PCCB: variants seen among roughly 807,000 people sequenced by gnomAD.
PCCB encodes propionyl-CoA carboxylase subunit beta.
Under a neutral mutation model 60.7 loss-of-function variants are expected in PCCB, and 43 were observed. The observed-to-expected ratio is 0.71, with a 90% confidence interval of 0.55 to 0.91. The LOEUF (loss-of-function observed/expected upper bound fraction) is 0.91. Ranked by LOEUF, PCCB falls within the 40% of genes least tolerant of loss-of-function variation. The pLI, the probability that PCCB is intolerant of heterozygous loss-of-function variation, is 0.00. For synonymous variants in PCCB, 276 were observed against 255.9 expected (o/e 1.08, Z -0.75); for missense variants, 766 against 702.8 (o/e 1.09, Z -1.02).
At chr3:136,323,991 TG>T (rs1437983140) in intron 10 of PCCB, among the ~76,000 whole-genome samples, 6 of 151,142 alleles carry the variant, frequency 4.0e-5, no homozygotes, top group Admixed American at 1.3e-4. Context: ...TCCCAAGCTT[TG>T]TTTTTTTTTT....
intron 9 of PCCB, among the ~76,000 whole-genome samples, chr3:136,308,577 C>T (rs531578709): frequency 6.6e-6 from 1 of 152,208 alleles, no homozygotes; most frequent in African/African-American, 2.4e-5. Flanking sequence ...ACCTAAATAA[C>T]GTAATAGGTA....
At chr3:136,295,382 A>C (rs992799817) in intron 7 of PCCB, among the ~76,000 whole-genome samples, 2 of 152,064 alleles carry the variant, frequency 1.3e-5, no homozygotes. Context: ...CACCCACAAA[A>C]ATTGTTTCTC....
intron 5 of PCCB, among the ~76,000 whole-genome samples, chr3:136,263,099 C>T (rs1342070300): frequency 2.0e-5 from 3 of 151,194 alleles, no homozygotes; most frequent in East Asian, 1.9e-4. Context: ...GGACTATAGG[C>T]GTCTGCCACC....
intron 3 of PCCB, among the ~76,000 whole-genome samples, chr3:136,258,167 A>G (rs150766725): frequency 0.011 from 1,746 of 152,306 alleles, 33 homozygotes; most frequent in East Asian, 0.047. Context: ...TCTGGACATG[A>G]TGTTCACTCA....
intron 5 of PCCB, among the ~76,000 whole-genome samples, chr3:136,264,626 C>A (rs1576409573): frequency 6.6e-6 from 1 of 151,916 alleles, no homozygotes; most frequent in East Asian, 1.9e-4. Context: ...ATGATCCCAG[C>A]ACTTTGGGAG....
intron 5 of PCCB, among the ~76,000 whole-genome samples, chr3:136,266,770 G>A (rs1417003721): frequency 6.6e-6 from 1 of 152,150 alleles, no homozygotes; most frequent in African/African-American, 2.4e-5. Flanking sequence ...TTTTTGAGTT[G>A]TAAGAGTTCT....
At chr3:136,250,637 A>C in intron 1 of PCCB, 79 bp downstream of exon 1, 2 of 1,419,302 alleles carry the variant, frequency 1.4e-6, no homozygotes, top group Non-Finnish European at 1.9e-6. Context: ...GCGGCGTCCG[A>C]GGCCTCCCTG....
intron 9 of PCCB, among the ~76,000 whole-genome samples, chr3:136,313,341 G>A (rs1039634158): frequency 6.6e-6 from 1 of 152,158 alleles, no homozygotes; most frequent in Non-Finnish European, 1.5e-5. Flanking sequence ...TGTAAGCCAC[G>A]TGTAGATTGG....
intron 5 of PCCB, among the ~76,000 whole-genome samples, chr3:136,269,965 C>CCA (rs1942145128): frequency 6.7e-6 from 1 of 148,820 alleles, no homozygotes; most frequent in Non-Finnish European, 1.5e-5. Context: ...TCATTCTTCA[C>CCA]CATTAAGCAT....
intron 5 of PCCB, among the ~76,000 whole-genome samples, chr3:136,282,112 A>G (rs1227495584): frequency 1.3e-5 from 2 of 152,168 alleles, no homozygotes; most frequent in Non-Finnish European, 2.9e-5. Context: ...AAAAACCAAG[A>G]TGCAAAGGTT....
At chr3:136,278,994 T>C (rs917879602) in intron 5 of PCCB, among the ~76,000 whole-genome samples, 2 of 152,220 alleles carry the variant, frequency 1.3e-5, no homozygotes, top group Non-Finnish European at 2.9e-5. Context: ...GGGGCTCTGT[T>C]AGGTGTGTAT....
At chr3:136,306,904 G>A (rs1474479652) in intron 9 of PCCB, among the ~76,000 whole-genome samples, 3 of 122,748 alleles carry the variant, frequency 2.4e-5, no homozygotes, top group African/African-American at 7.5e-5. Flanking sequence ...GAGCACGTGG[G>A]AAAATTGACC....
chr3:136,250,878 T>C (rs1347894719), intron 1 of PCCB, among the ~76,000 whole-genome samples: 1 of 152,214 alleles, frequency 6.6e-6, no homozygotes, highest in Non-Finnish European at 1.5e-5. Context: ...TAATTCTTCC[T>C]TCACAAGTGT....
rs1560035053 is a variant in PCCB, at chr3:136,328,835, C to G, written c.1476C>G (p.Asn492Lys). 1 of 1,613,914 alleles carries G rather than the reference C, an allele frequency of 6.2e-7. No individual in the cohort carries two copies. The highest frequency in any genetic ancestry group is 1.3e-5 in the African/African-American group (1 of 74,938). Residue 492 changes from asparagine to lysine, a missense_variant, in exon 14 of 15, where the codon AAC becomes AAG. Coordinates refer to ENST00000251654, the MANE Select transcript of PCCB (RefSeq NM_000532.5). ...CAGAGTACATCGAGAAGTTTGCCAA[C>G]CCTTTCCCTGCAGCAGTGCGAGGTA... Reference protein sequence around the residue: ...AQAEYIEKFANPFPAAVRGFV... With the variant: ...AQAEYIEKFAKPFPAAVRGFV...
At chr3:136,309,975 T>C (rs1279948849) in intron 9 of PCCB, among the ~76,000 whole-genome samples, 1 of 152,066 alleles carries the variant, frequency 6.6e-6, no homozygotes, top group Non-Finnish European at 1.5e-5. Context: ...CTCATGCCTA[T>C]AATCCCAACA....
At chr3:136,321,640 C>G (rs1229655349) in intron 10 of PCCB, among the ~76,000 whole-genome samples, 2 of 152,184 alleles carry the variant, frequency 1.3e-5, no homozygotes, top group Non-Finnish European at 2.9e-5. Flanking sequence ...CACCTCCCTC[C>G]CTTGACACAT....
At chr3:136,274,473 T>C (rs1942290565) in intron 5 of PCCB, among the ~76,000 whole-genome samples, 1 of 152,214 alleles carries the variant, frequency 6.6e-6, no homozygotes, top group Non-Finnish European at 1.5e-5. Context: ...GCTTGTAAGG[T>C]TTCTGCTGAG....
intron 5 of PCCB, among the ~76,000 whole-genome samples, chr3:136,266,796 A>G (rs901982817): frequency 2.0e-5 from 3 of 152,200 alleles, no homozygotes; most frequent in African/African-American, 7.2e-5. Flanking sequence ...TATTCTGGAT[A>G]CAAGTCCTTT....
In PCCB at chr3:136,261,949, C is replaced by T; in HGVS notation, c.430-3C>T. On this transcript the variant is annotated splice_region_variant and splice_polypyrimidine_tract_variant and intron_variant, in intron 4 of 14. Coordinates refer to ENST00000251654, the MANE Select transcript of PCCB (RefSeq NM_000532.5). ...TCAATAAAAGATTTCTCTGCTGTCTCAGATCATGGACCAGGCCATAACGGT... is the reference window on the plus strand; with the variant it reads ...TCAATAAAAGATTTCTCTGCTGTCTTAGATCATGGACCAGGCCATAACGGT... 1 of 1,533,504 alleles carries T rather than the reference C, an allele frequency of 6.5e-7. No homozygotes were observed. Among genetic ancestry groups the T allele is most frequent in the Non-Finnish European group, 8.9e-7 (1 of 1,128,428 alleles). The allele number at this position is 1,533,504 out of a possible 1,614,324, so 95.0% of individuals were successfully genotyped here.
Sources: gnomAD v4.1 joint callset for allele counts (sites outside exome capture counted in the v4.1 genomes callset) on GRCh38, gnomAD v4.1.1 for gene constraint, MANE v1.5 for transcripts, NCBI Gene and HGNC (gene_info 2026-07-23, HGNC 2026-07-21) for gene names.